Variants in ATP2C1 observed in about 807,000 individuals in gnomAD.
The protein encoded by ATP2C1 is calcium-transporting ATPase type 2C member 1.
Under a neutral mutation model 120.5 loss-of-function variants are expected in ATP2C1, and 31 were observed. That is an observed-to-expected ratio of 0.26 (90% CI 0.19 to 0.35). The LOEUF (loss-of-function observed/expected upper bound fraction) is 0.35. Ranked by LOEUF, ATP2C1 falls within the 10% of genes least tolerant of loss-of-function variation. ATP2C1 has a pLI of 1.00. For synonymous variants in ATP2C1, 351 were observed against 358.7 expected, an observed-to-expected ratio of 0.98 and a Z score of 0.24; for missense variants, 731 against 1,107.5, an observed-to-expected ratio of 0.66 and a Z score of 4.83.
At position 130,859,360 on chromosome 3, in the gene ATP2C1, A is replaced by G. The variant is rs77923078; in HGVS notation, c.108+8432A>G. On this transcript the variant is annotated intron_variant, in intron 1 of 26. Coordinates refer to the ATP2C1 transcript ENST00000504381. ...TAGCAAAGACCTCAAGTGAAGAGCT[A>G]TGTACCTGTGACTAGCTTTTCTAAG... is the stretch of plus-strand genomic sequence containing the variant. Among the ~76,000 whole-genome samples, 543 of 152,336 alleles carry G rather than the reference A, an allele frequency of 3.6e-3. 1 individual carries two copies. The highest frequency in any genetic ancestry group is 0.012 in the African/African-American group (500 of 41,568).
At chr3:130,986,303 G>A (rs1359581671) in intron 20 of ATP2C1, among the ~76,000 whole-genome samples, 1 of 150,700 alleles carries the variant, frequency 6.6e-6, no homozygotes, top group African/African-American at 2.4e-5. Context: ...GTAAATGTAT[G>A]TGAAATCTGC....
chr3:130,928,142 A>G (rs2059298634), intron 2 of ATP2C1: 1 of 152,270 alleles, frequency 6.6e-6, no homozygotes. Context: ...TACTCCACGC[A>G]GTACTCATGT....
intron 16 of ATP2C1, 59 bp from the exon 17 acceptor site, chr3:130,969,233 G>A (rs2061186142): frequency 7.8e-7 from 1 of 1,281,628 alleles, no homozygotes; most frequent in Admixed American, 1.7e-5. Context: ...CTTGTTCTTT[G>A]TTAAAGGAAA....
chr3:130,927,248 T>G (rs2059250933), intron 2 of ATP2C1, among the ~76,000 whole-genome samples: 1 of 151,768 alleles, frequency 6.6e-6, no homozygotes, highest in African/African-American at 2.4e-5. Flanking sequence ...TTTAACTTTT[T>G]TTTTTTTTTT....
chr3:130,922,295 C>A (rs1290135417), intron 2 of ATP2C1, among the ~76,000 whole-genome samples: 1 of 152,052 alleles, frequency 6.6e-6, no homozygotes, highest in Admixed American at 6.5e-5. Context: ...TCTGTGTTAT[C>A]AGTTGTAATA....
chr3:130,918,045 A>C (rs1191240403), intron 2 of ATP2C1, among the ~76,000 whole-genome samples: 4 of 152,088 alleles, frequency 2.6e-5, no homozygotes, highest in Non-Finnish European at 5.9e-5. Context: ...CTGGCGAATA[A>C]AGCAAAAGGA....
chr3:131,015,190 A>G, intron 26 of ATP2C1: 1 of 702,154 alleles, frequency 1.4e-6, no homozygotes. Flanking sequence ...ACCTTGAAAC[A>G]TGTAAAGTCC....
At chr3:130,862,891 G>A (rs1458543676) in intron 1 of ATP2C1, among the ~76,000 whole-genome samples, 2 of 152,204 alleles carry the variant, frequency 1.3e-5, no homozygotes. Context: ...GAATTGTGAA[G>A]GAGGGATAGC....
At chr3:130,880,745 G>C (rs1407385655) in intron 1 of ATP2C1, among the ~76,000 whole-genome samples, 1 of 152,120 alleles carries the variant, frequency 6.6e-6, no homozygotes, top group Non-Finnish European at 1.5e-5. Context: ...ATCTCCCATA[G>C]TATGCTCAGT....
At chr3:130,994,142 A>G (rs771981313) in intron 22 of ATP2C1, 44 bp downstream of exon 22, 1 of 1,608,222 alleles carries the variant, frequency 6.2e-7, no homozygotes, top group Non-Finnish European at 8.5e-7. Context: ...ATCTTCCCCT[A>G]TCCTTTCCTG....
chr3:130,885,771 TAC>T lies in ATP2C1; in HGVS notation c.108+34845_108+34846del, dbSNP rs534735365. ...ACTTGAGTACTCTACATGCCACAAT[TAC>T]AGTTTGTTTTTGCAATCAGTTATAA... On this transcript the variant is annotated intron_variant, in intron 1 of 26. Coordinates refer to the ATP2C1 transcript ENST00000504381. Among the ~76,000 whole-genome samples, 216 of 152,312 alleles carry T rather than the reference TAC, an allele frequency of 1.4e-3. 1 individual carries two copies. Among genetic ancestry groups the T allele is most frequent in the African/African-American group, 5.0e-3 (208 of 41,568 alleles).
rs1430775611 is a variant in ATP2C1 at position 130,959,347 on chromosome 3, T to C, written c.899+6T>C. 1.1e-5 allele frequency: 18 copies of C among 1,588,520 alleles called. No homozygotes were observed. Among genetic ancestry groups the C allele is most frequent in the Non-Finnish European group, 1.3e-5 (15 of 1,157,586 alleles). On this transcript the variant is annotated splice_donor_region_variant and intron_variant, in intron 12 of 27. Coordinates refer to ENST00000510168, the MANE Select transcript of ATP2C1 (RefSeq NM_001378687.1). The stretch of plus-strand genomic sequence containing the variant: ...ATGTTTACTATTAGTGTAAGGTAAG[T>C]CTCAATACTTTATAATTGGAGTCTC...
At chr3:130,855,982 T>C (rs1043906712) in intron 1 of ATP2C1, 2 of 151,894 alleles carry the variant, frequency 1.3e-5, no homozygotes, top group Non-Finnish European at 2.9e-5. Flanking sequence ...AACAGAGATT[T>C]TTTTTTTCCT....
chr3:130,973,918 A>G (rs1392507193), intron 17 of ATP2C1, among the ~76,000 whole-genome samples: 1 of 152,178 alleles, frequency 6.6e-6, no homozygotes, highest in Non-Finnish European at 1.5e-5. Context: ...ATTGGTGGAT[A>G]AAAGAAAAAA....
intron 20 of ATP2C1, among the ~76,000 whole-genome samples, chr3:130,982,513 C>T (rs1195788736): frequency 6.6e-6 from 1 of 152,150 alleles, no homozygotes; most frequent in Non-Finnish European, 1.5e-5. Context: ...AGCAGTCTTC[C>T]CAGTTGCTGA....
chr3:130,941,248 G>GTGTGTC (rs1288741103), intron 7 of ATP2C1, among the ~76,000 whole-genome samples: 6 of 148,884 alleles, frequency 4.0e-5, no homozygotes, highest in African/African-American at 1.5e-4. Context: ...GTGTGTGTGT[G>GTGTGTC]TGTGTGTGTG....
At chr3:130,918,272 C>G in intron 2 of ATP2C1, 2 of 1,545,430 alleles carry the variant, frequency 1.3e-6, no homozygotes, top group East Asian at 4.5e-5. Context: ...TCCCTTGGGC[C>G]CAAAGTTCTT....
At chr3:130,856,745 T>G (rs1260948107) in intron 1 of ATP2C1, among the ~76,000 whole-genome samples, 26 of 152,202 alleles carry the variant, frequency 1.7e-4, no homozygotes, top group Admixed American at 1.7e-3. Flanking sequence ...ATTCTCTCCC[T>G]GCTGCATGTT....
intron 1 of ATP2C1, among the ~76,000 whole-genome samples, chr3:130,876,175 G>C (rs189716525): frequency 6.6e-6 from 1 of 151,916 alleles, no homozygotes. Context: ...CTGTACTCTT[G>C]AAGTCTTACC....
Sources: allele counts gnomAD v4.1 joint callset (sites outside exome capture counted in the v4.1 genomes callset), GRCh38; gene constraint gnomAD v4.1.1; transcripts MANE v1.5; gene names NCBI Gene and HGNC (gene_info 2026-07-23, HGNC 2026-07-21).